MYLK4: variants seen among roughly 807,000 people sequenced by gnomAD.
MYLK4 encodes caMLCK like.
Under a neutral mutation model 48.1 loss-of-function variants are expected in MYLK4, and 46 were observed. That is an observed-to-expected ratio of 0.96 (90% CI 0.75 to 1.22). The LOEUF is 1.22. Ranked by LOEUF, MYLK4 falls within the 50% of genes most tolerant of loss-of-function variation. The probability of loss-of-function intolerance (pLI) is 0.00; values close to 1 mark genes in which losing one functional copy is unlikely to be tolerated. For synonymous variants in MYLK4, 170 were observed against 180.8 expected, an observed-to-expected ratio of 0.94 and a Z score of 0.48; for missense variants, 451 against 486.1, an observed-to-expected ratio of 0.93 and a Z score of 0.68.
intron 1 of MYLK4, among the ~76,000 whole-genome samples, chr6:2,749,633 T>C (rs1355294629): frequency 6.6e-6 from 1 of 152,158 alleles, no homozygotes; most frequent in African/African-American, 2.4e-5. Flanking sequence ...TAAGAAGCAA[T>C]GTCAAGATTC....
Position 2,665,581 on chromosome 6 carries a change from A to G in MYLK4, c.*2344T>C, listed in dbSNP as rs1035341150. Reference sequence around the variant, plus strand: ...AACTTGGCAAAGAAATCATGCCTGTATTTGGCCTGAGCTGTCTCTTCCATG... The same window carrying G: ...AACTTGGCAAAGAAATCATGCCTGTGTTTGGCCTGAGCTGTCTCTTCCATG... On this transcript the variant is annotated 3_prime_UTR_variant, in exon 13 of 13. Coordinates refer to ENST00000274643, the MANE Select transcript of MYLK4 (RefSeq NM_001012418.5). The G allele has an allele frequency of 5.3e-5, 8 of 152,336 alleles. No homozygotes were observed. The highest frequency in any genetic ancestry group is 1.7e-4 in the African/African-American group (7 of 41,578). The allele number at this position is 152,336 out of a possible 1,614,324, so 9.4% of individuals were successfully genotyped here.
chr6:2,709,229 G>A (rs549718997), intron 2 of MYLK4, among the ~76,000 whole-genome samples: 1 of 152,078 alleles, frequency 6.6e-6, no homozygotes, highest in Non-Finnish European at 1.5e-5. Context: ...ATCACACAAC[G>A]ATGAGCAGAT....
intron 2 of MYLK4, among the ~76,000 whole-genome samples, chr6:2,746,190 C>G (rs1285687039): frequency 6.6e-6 from 1 of 151,860 alleles, no homozygotes; most frequent in Non-Finnish European, 1.5e-5. Context: ...TTGCTTCAAC[C>G]TGGGAGACGG....
Position 2,713,574 on chromosome 6 carries a change from T to C in MYLK4, c.160-20715A>G, listed in dbSNP as rs73350473. 4.9e-3 allele frequency among the ~76,000 whole-genome samples: 753 copies of C among 152,220 alleles called. 9 individuals carry two copies. The highest frequency in any genetic ancestry group is 0.018 in the African/African-American group (728 of 41,538). On this transcript the variant is annotated intron_variant, in intron 2 of 12. Coordinates refer to ENST00000274643, the MANE Select transcript of MYLK4 (RefSeq NM_001012418.5). ...CTTGGTGAAATAGGAGTCGCATCCATGCATGGCCCTGATACTTGGAACAAC... is the reference window on the plus strand; with the variant it reads ...CTTGGTGAAATAGGAGTCGCATCCACGCATGGCCCTGATACTTGGAACAAC...
intron 6 of MYLK4, among the ~76,000 whole-genome samples, chr6:2,684,627 C>T (rs1761455108): frequency 6.6e-6 from 1 of 151,972 alleles, no homozygotes; most frequent in South Asian, 2.1e-4. Context: ...GACAATACAA[C>T]AACAAAAATA....
chr6:2,769,168 T>C, the MYLK4 span, among the ~76,000 whole-genome samples: 3 of 152,152 alleles, frequency 2.0e-5, no homozygotes, highest in African/African-American at 7.2e-5. Context: ...ATTTTTAATC[T>C]AAATACTAGG....
At chr6:2,691,456 C>T (rs1761795284) in intron 3 of MYLK4, among the ~76,000 whole-genome samples, 1 of 152,120 alleles carries the variant, frequency 6.6e-6, no homozygotes, top group South Asian at 2.1e-4. Flanking sequence ...TTTTAATTGG[C>T]TATAATATTA....
intron 2 of MYLK4, among the ~76,000 whole-genome samples, chr6:2,725,723 T>C (rs1348767080): frequency 2.6e-5 from 4 of 152,236 alleles, no homozygotes; most frequent in African/African-American, 9.6e-5. Flanking sequence ...GCTTATCTTT[T>C]AACTATCGAT....
chr6:2,745,576 C>G (rs1764056741), intron 2 of MYLK4, among the ~76,000 whole-genome samples: 1 of 151,996 alleles, frequency 6.6e-6, no homozygotes, highest in African/African-American at 2.4e-5. Context: ...TTTTGAACAG[C>G]CTTTGGAACA....
At chr6:2,758,434 T>C in the MYLK4 span, among the ~76,000 whole-genome samples, 1 of 151,558 alleles carries the variant, frequency 6.6e-6, no homozygotes, top group African/African-American at 2.4e-5. Context: ...ATATAATATG[T>C]AAGATATATA....
In MYLK4 at chr6:2,663,926, G is replaced by A. The variant is rs1203215707; in HGVS notation, c.*3999C>T. On this transcript the variant is annotated 3_prime_UTR_variant, in exon 13 of 13. Coordinates refer to ENST00000274643, the MANE Select transcript of MYLK4 (RefSeq NM_001012418.5). Reference sequence around the variant, plus strand: ...TTTCTGCTCTTCTGAATGGGTAGTAGTGGTTGAGTTATAAGCCTTCATGGA... The same window carrying A: ...TTTCTGCTCTTCTGAATGGGTAGTAATGGTTGAGTTATAAGCCTTCATGGA... 2 of 152,274 alleles carry A rather than the reference G, an allele frequency of 1.3e-5. No homozygotes were observed. Among genetic ancestry groups the A allele is most frequent in the Non-Finnish European group, 2.9e-5 (2 of 68,046 alleles). The allele number at this position is 152,274 out of a possible 1,614,324, so 9.4% of individuals were successfully genotyped here. A position where few individuals can be genotyped will look rare whatever the true frequency, so the allele number is the denominator to read the frequency against.
intron 2 of MYLK4, among the ~76,000 whole-genome samples, chr6:2,720,878 G>A (rs1037329948): frequency 3.9e-5 from 6 of 151,952 alleles, no homozygotes; most frequent in Admixed American, 2.0e-4. Context: ...ATAAGAGAAT[G>A]TGGGCTGGGC....
At chr6:2,766,230 G>GA in the MYLK4 span, 22 of 1,459,736 alleles carry the variant, frequency 1.5e-5, no homozygotes, top group Non-Finnish European at 2.0e-5. Context: ...TTCGGGGCCA[G>GA]TGGCGGGGGC....
chr6:2,692,735 TAACGG>T (rs770597638), intron 3 of MYLK4, 44 bp downstream of exon 3: 1 of 1,544,208 alleles, frequency 6.5e-7, no homozygotes, highest in South Asian at 1.1e-5. Context: ...AGGACTTTTA[TAACGG>T]AACTTTCTTC....
intron 10 of MYLK4, among the ~76,000 whole-genome samples, chr6:2,677,611 GT>G (rs1317806849): frequency 2.6e-5 from 4 of 152,096 alleles, no homozygotes; most frequent in African/African-American, 9.7e-5. Flanking sequence ...AATTAATGTG[GT>G]TTTAGCATAA....
At chr6:2,739,846 C>T (rs1763828279) in intron 2 of MYLK4, among the ~76,000 whole-genome samples, 1 of 152,220 alleles carries the variant, frequency 6.6e-6, no homozygotes, top group Non-Finnish European at 1.5e-5. Flanking sequence ...AGAACTTTCA[C>T]ACATGCATGG....
At chr6:2,762,786 A>G in the MYLK4 span, among the ~76,000 whole-genome samples, 1 of 152,152 alleles carries the variant, frequency 6.6e-6, no homozygotes, top group Non-Finnish European at 1.5e-5. Flanking sequence ...CTCAGAAATC[A>G]ACTGGCAGAC....
At chr6:2,699,667 A>G (rs1244058953) in intron 2 of MYLK4, among the ~76,000 whole-genome samples, 1 of 152,162 alleles carries the variant, frequency 6.6e-6, no homozygotes, top group African/African-American at 2.4e-5. Flanking sequence ...AATTTACTCC[A>G]TCAGGCTATT....
intron 12 of MYLK4, 84 bp from the exon 13 acceptor site, chr6:2,667,983 C>T (rs1415370794): frequency 6.6e-6 from 1 of 150,734 alleles, no homozygotes; most frequent in Non-Finnish European, 1.5e-5. Context: ...CTTAGGAAAA[C>T]CACAGATGAT....
Sources: allele counts gnomAD v4.1 joint callset (sites outside exome capture counted in the v4.1 genomes callset), GRCh38; gene constraint gnomAD v4.1.1; transcripts MANE v1.5; gene names NCBI Gene and HGNC (gene_info 2026-07-23, HGNC 2026-07-21).